PDE3B: variants seen among roughly 807,000 people sequenced by gnomAD.
The protein encoded by PDE3B is cGMP-inhibited 3',5'-cyclic phosphodiesterase 3B.
In PDE3B, 66 loss-of-function variants were observed where a neutral mutation model predicts 116.8. The observed-to-expected ratio is 0.56, with a 90% CI of 0.46 to 0.69. The LOEUF (loss-of-function observed/expected upper bound fraction) is 0.69, where lower values mean the gene tolerates loss of function less well. Ranked by LOEUF, PDE3B falls within the 30% of genes least tolerant of loss-of-function variation. PDE3B has a pLI of 0.00. For synonymous variants in PDE3B, 595 were observed against 533.6 expected, an observed-to-expected ratio of 1.12 and a Z score of -1.59; for missense variants, 1,384 against 1,368.1, an observed-to-expected ratio of 1.01 and a Z score of -0.18.
intron 2 of PDE3B, among the ~76,000 whole-genome samples, chr11:14,783,707 C>T (rs1414584556): frequency 1.3e-5 from 2 of 151,748 alleles, no homozygotes; most frequent in East Asian, 1.9e-4. Flanking sequence ...CACATGTATA[C>T]ATATGTAACA....
chr11:14,650,688 A>G (rs1254422313), intron 1 of PDE3B, among the ~76,000 whole-genome samples: 1 of 152,108 alleles, frequency 6.6e-6, no homozygotes, highest in Non-Finnish European at 1.5e-5. Context: ...CACCCTTGGG[A>G]GGCTGAGGCC....
At chr11:14,661,773 G>C (rs1802480685) in intron 1 of PDE3B, among the ~76,000 whole-genome samples, 1 of 152,282 alleles carries the variant, frequency 6.6e-6, no homozygotes, top group South Asian at 2.1e-4. Flanking sequence ...TGCCATTTCC[G>C]AGGCTTGCTT....
At chr11:14,790,780 A>G (rs1431995195) in intron 4 of PDE3B, among the ~76,000 whole-genome samples, 1 of 152,122 alleles carries the variant, frequency 6.6e-6, no homozygotes, top group African/African-American at 2.4e-5. Flanking sequence ...GGCTAGATGT[A>G]TCTTTTCTAG....
intron 5 of PDE3B, among the ~76,000 whole-genome samples, chr11:14,807,344 A>G (rs1274388555): frequency 6.6e-6 from 1 of 152,210 alleles, no homozygotes; most frequent in Non-Finnish European, 1.5e-5. Flanking sequence ...TAACAATAGC[A>G]TAGAGGGTAG....
At chr11:14,855,201 A>T (rs1847826559) in intron 12 of PDE3B, among the ~76,000 whole-genome samples, 1 of 152,208 alleles carries the variant, frequency 6.6e-6, no homozygotes, top group African/African-American at 2.4e-5. Flanking sequence ...GGACTAGGTC[A>T]AGATGTGACT....
At chr11:14,689,264 G>A (rs1341484079) in intron 1 of PDE3B, among the ~76,000 whole-genome samples, 1 of 152,154 alleles carries the variant, frequency 6.6e-6, no homozygotes, top group Admixed American at 6.5e-5. Context: ...ATGGGAATTT[G>A]TCTGTTTCTT....
chr11:14,778,059 C>T (rs1565132325), intron 2 of PDE3B, among the ~76,000 whole-genome samples: 2 of 152,158 alleles, frequency 1.3e-5, no homozygotes, highest in South Asian at 4.1e-4. Flanking sequence ...CACGGAACCT[C>T]GCTCATTGCT....
intron 1 of PDE3B, chr11:14,674,537 G>C: frequency 2.1e-6 from 1 of 472,094 alleles, no homozygotes; most frequent in South Asian, 1.8e-5. Context: ...TTAGGCTTTG[G>C]GTCCTGTTTT....
intron 1 of PDE3B, among the ~76,000 whole-genome samples, chr11:14,747,841 C>G (rs879921545): frequency 3.9e-5 from 6 of 152,072 alleles, no homozygotes; most frequent in Non-Finnish European, 8.8e-5. Context: ...ATTTAAGTAG[C>G]AGGTGTTTCA....
intron 10 of PDE3B, among the ~76,000 whole-genome samples, chr11:14,833,498 T>C (rs902569924): frequency 6.6e-6 from 1 of 152,200 alleles, no homozygotes; most frequent in Non-Finnish European, 1.5e-5. Context: ...CCTGTGTACT[T>C]TATCTTTTTA....
intron 1 of PDE3B, among the ~76,000 whole-genome samples, chr11:14,719,022 T>C (rs1265295458): frequency 6.4e-4 from 74 of 115,808 alleles, no homozygotes; most frequent in African/African-American, 2.4e-3. Context: ...GATAGACTGC[T>C]AGCAAGACTA....
intron 1 of PDE3B, among the ~76,000 whole-genome samples, chr11:14,687,004 C>T (rs1854898124): frequency 2.0e-5 from 3 of 152,144 alleles, no homozygotes; most frequent in Non-Finnish European, 4.4e-5. Context: ...TGAGCCACCA[C>T]GCCTGGCCAT....
chr11:14,888,309 A>G, the PDE3B span, among the ~76,000 whole-genome samples: 1 of 152,236 alleles, frequency 6.6e-6, no homozygotes. Flanking sequence ...CACCTAGGAC[A>G]GTGCACAGCA....
At chr11:14,743,068 C>G (rs374385492) in intron 1 of PDE3B, among the ~76,000 whole-genome samples, 3 of 152,322 alleles carry the variant, frequency 2.0e-5, no homozygotes, top group African/African-American at 7.2e-5. Context: ...AGGAGGCAGT[C>G]TGTCCCTTAG....
At chr11:14,789,278 A>G in intron 4 of PDE3B, 36 bp downstream of exon 4, 3 of 1,521,142 alleles carry the variant, frequency 2.0e-6, no homozygotes, top group Non-Finnish European at 2.7e-6. Context: ...AACTTGAATC[A>G]AATGCATCTA....
chr11:14,662,803 C>T (rs1453371659), intron 1 of PDE3B, among the ~76,000 whole-genome samples: 1 of 152,116 alleles, frequency 6.6e-6, no homozygotes, highest in Admixed American at 6.5e-5. Context: ...AAATATGGGA[C>T]TATGTGAAAA....
chr11:14,651,072 A>G (rs1284048943), intron 1 of PDE3B, among the ~76,000 whole-genome samples: 1 of 152,136 alleles, frequency 6.6e-6, no homozygotes, highest in Non-Finnish European at 1.5e-5. Context: ...GAATTGTCTC[A>G]AGTTCTGGAG....
Position 14,644,805 on chromosome 11 carries a change from C to T in PDE3B, c.730C>T (p.Leu244Phe), listed in dbSNP as rs369837255. ...CAGCCTCGGGTCGCTGCCCTCCGCC[C>T]TCAGGCCGCTGCTCTCCGGCCTGGT... ...FTSLGSLPSA[L>F]RPLLSGLVGG... Residue 244 changes from leucine (L) to phenylalanine (F), a missense_variant, in exon 1 of 16, where the codon CTC becomes TTC. By Grantham distance (22) the Leu-to-Phe change is conservative (BLOSUM62 0). This residue lies in a region of PDE3B where 956 missense variants were observed against 806.8 expected (regional missense o/e 1.18). Transcript: ENST00000282096. 6 of 1,611,384 alleles carry T rather than the reference C, an allele frequency of 3.7e-6. No individual in the cohort carries two copies. Among genetic ancestry groups the T allele is most frequent in the Non-Finnish European group, 5.1e-6 (6 of 1,178,638 alleles).
chr11:14,754,172 T>A (rs1857125077), intron 1 of PDE3B, among the ~76,000 whole-genome samples: 1 of 152,118 alleles, frequency 6.6e-6, no homozygotes, highest in Non-Finnish European at 1.5e-5. Context: ...TTTTTATTAA[T>A]TACTTGTTCT....
Sources: allele counts gnomAD v4.1 joint callset (sites outside exome capture counted in the v4.1 genomes callset), GRCh38; gene constraint gnomAD v4.1.1; regional missense constraint gnomAD v4.1.1; transcripts MANE v1.5; gene names NCBI Gene and HGNC (gene_info 2026-07-23, HGNC 2026-07-21).